NKAIN3: variants seen among roughly 807,000 people sequenced by gnomAD.
NKAIN3 encodes the protein sodium/potassium transporting ATPase interacting 3.
NKAIN3 carries 25 observed loss-of-function variants against 30.2 expected under a neutral mutation model. That is an observed-to-expected ratio of 0.83 (90% CI 0.60 to 1.16). The LOEUF (loss-of-function observed/expected upper bound fraction) is 1.16. NKAIN3 is among the 50% of genes most tolerant of loss of function. The pLI, the probability that NKAIN3 is intolerant of heterozygous loss-of-function variation, is 0.00. For synonymous variants in NKAIN3, 91 were observed against 89.6 expected (o/e 1.02, Z -0.09); for missense variants, 225 against 254.1 (o/e 0.89, Z 0.78).
chr8:62,638,076 T>A (rs555719478), intron 3 of NKAIN3, among the ~76,000 whole-genome samples: 1 of 152,274 alleles, frequency 6.6e-6, no homozygotes, highest in South Asian at 2.1e-4. Context: ...TGTAAAATCT[T>A]GGAAATGTGA....
At chr8:62,662,685 T>A (rs565000285) in intron 3 of NKAIN3, among the ~76,000 whole-genome samples, 1 of 152,210 alleles carries the variant, frequency 6.6e-6, no homozygotes, top group South Asian at 2.1e-4. Flanking sequence ...GTGACCCAAA[T>A]TTGTTTTTAT....
chr8:62,456,779 A>G (rs1805834710), intron 1 of NKAIN3, among the ~76,000 whole-genome samples: 1 of 152,236 alleles, frequency 6.6e-6, no homozygotes, highest in South Asian at 2.1e-4. Context: ...TTTTGGAGTT[A>G]TTGCAATCTT....
intron 1 of NKAIN3, among the ~76,000 whole-genome samples, chr8:62,331,528 G>A (rs967320017): frequency 1.3e-5 from 2 of 152,120 alleles, no homozygotes; most frequent in Admixed American, 1.3e-4. Flanking sequence ...CTAGAACTGA[G>A]CACTGCATTC....
intron 1 of NKAIN3, among the ~76,000 whole-genome samples, chr8:62,281,501 T>A (rs1287563350): frequency 1.3e-5 from 2 of 152,196 alleles, no homozygotes; most frequent in African/African-American, 2.4e-5. Context: ...CTGCTTTCTC[T>A]TGTGGGCATT....
rs754692408 is a variant in NKAIN3 at position 62,978,847 on chromosome 8, G to A, written c.*13440G>A. ...TGAAATCCAGGGCCCTTGTGGTGTA[G>A]GCACCCAAGGGATCTCCTTGTCTGT... is the stretch of plus-strand genomic sequence containing the variant. On this transcript the variant is annotated 3_prime_UTR_variant, in exon 7 of 7. Coordinates refer to ENST00000623646, the MANE Select transcript of NKAIN3 (RefSeq NM_001304533.3). The A allele has an allele frequency of 3.9e-5, 6 of 154,184 alleles. No individual in the cohort carries two copies. The South Asian group carries it at 6.2e-4, about 16-fold the overall frequency. 9.6% of individuals were successfully genotyped at this position (154,184 alleles called of 1,614,324 possible). A position where few individuals can be genotyped will look rare whatever the true frequency, so the allele number is the denominator to read the frequency against.
intron 4 of NKAIN3, among the ~76,000 whole-genome samples, chr8:62,794,983 A>C (rs1465643899): frequency 6.6e-6 from 1 of 152,096 alleles, no homozygotes. Flanking sequence ...CTTATTGTGT[A>C]CCTGTGTGTG....
At chr8:62,813,239 G>A (rs1385688953) in intron 4 of NKAIN3, among the ~76,000 whole-genome samples, 1 of 151,796 alleles carries the variant, frequency 6.6e-6, no homozygotes, top group Non-Finnish European at 1.5e-5. Flanking sequence ...TGTGACTTTG[G>A]TTATTATAGC....
chr8:62,590,523 A>T (rs1810619680), intron 3 of NKAIN3, among the ~76,000 whole-genome samples: 1 of 151,898 alleles, frequency 6.6e-6, no homozygotes, highest in Non-Finnish European at 1.5e-5. Flanking sequence ...CACTATAGAG[A>T]AGAAACTTAA....
rs555432020 is a variant in NKAIN3, at chr8:62,524,065, T to A, written c.55-55474T>A. ...TATATTAACAATAATTACTTTTATA[T>A]AATATTTTCTATAATGTAGAGCTGA... On this transcript the variant is annotated intron_variant, in intron 1 of 6. Transcript: ENST00000623646. Among the ~76,000 whole-genome samples the A allele has an allele frequency of 3.9e-5, 6 of 152,180 alleles. No homozygotes were observed. In the East Asian group the frequency reaches 1.2e-3, roughly 29 times the overall value.
chr8:62,253,312 A>T (rs1170666275), intron 1 of NKAIN3, among the ~76,000 whole-genome samples: 1 of 152,226 alleles, frequency 6.6e-6, no homozygotes, highest in Non-Finnish European at 1.5e-5. Context: ...ACAGTGGCTT[A>T]TGCCTGTAAT....
chr8:62,294,615 A>T (rs1316961595), intron 1 of NKAIN3, among the ~76,000 whole-genome samples: 1 of 152,142 alleles, frequency 6.6e-6, no homozygotes, highest in Admixed American at 6.6e-5. Context: ...TGACAAGATC[A>T]TGGTTCACTT....
chr8:62,298,580 T>C (rs1389768200), intron 1 of NKAIN3, among the ~76,000 whole-genome samples: 1 of 152,094 alleles, frequency 6.6e-6, no homozygotes, highest in Non-Finnish European at 1.5e-5. Flanking sequence ...GGCCTTTTTT[T>C]CTGTGCTCCT....
intron 4 of NKAIN3, among the ~76,000 whole-genome samples, chr8:62,881,504 T>A (rs902991841): frequency 1.1e-4 from 16 of 152,208 alleles, no homozygotes; most frequent in Non-Finnish European, 2.1e-4. Context: ...TGTGTGGTAC[T>A]AGCAAAAGAA....
At chr8:62,858,572 G>T (rs1021454954) in intron 4 of NKAIN3, among the ~76,000 whole-genome samples, 1 of 152,172 alleles carries the variant, frequency 6.6e-6, no homozygotes, top group Non-Finnish European at 1.5e-5. Flanking sequence ...GGCCCAGCTG[G>T]GAGGTCTCAC....
intron 5 of NKAIN3, among the ~76,000 whole-genome samples, chr8:62,928,187 T>A (rs1347021336): frequency 6.6e-6 from 1 of 152,210 alleles, no homozygotes; most frequent in East Asian, 1.9e-4. Flanking sequence ...GAACATTTGG[T>A]AAAAGCATTT....
chr8:62,729,223 C>A (rs1815390403), intron 3 of NKAIN3, among the ~76,000 whole-genome samples: 1 of 151,992 alleles, frequency 6.6e-6, no homozygotes, highest in African/African-American at 2.4e-5. Flanking sequence ...CCTGGACAGA[C>A]TCCTCAACAA....
At chr8:62,993,097 G>A (rs1824354947) in intron 5 of NKAIN3, among the ~76,000 whole-genome samples, 1 of 152,096 alleles carries the variant, frequency 6.6e-6, no homozygotes, top group African/African-American at 2.4e-5. Flanking sequence ...GAAAATAGGA[G>A]TGATTGCATG....
At chr8:62,705,878 GTTGT>G (rs772924274) in intron 3 of NKAIN3, among the ~76,000 whole-genome samples, 93 of 152,174 alleles carry the variant, frequency 6.1e-4, no homozygotes, top group Admixed American at 9.2e-4. Context: ...TAGATATTTT[GTTGT>G]TTGTTTGTTT....
At chr8:62,878,197 A>G (rs1381947663) in intron 4 of NKAIN3, among the ~76,000 whole-genome samples, 1 of 152,218 alleles carries the variant, frequency 6.6e-6, no homozygotes, top group Admixed American at 6.5e-5. Context: ...AAATATGTAG[A>G]TTAGATGTTT....
Sources: allele counts gnomAD v4.1 joint callset (sites outside exome capture counted in the v4.1 genomes callset), GRCh38; gene constraint gnomAD v4.1.1; transcripts MANE v1.5; gene names NCBI Gene and HGNC (gene_info 2026-07-23, HGNC 2026-07-21).